Variants in IMMP2L observed in about 807,000 individuals in gnomAD.
The protein encoded by IMMP2L is mitochondrial inner membrane protease subunit 2.
Under a neutral mutation model 19.3 loss-of-function variants are expected in IMMP2L, and 18 were observed. The ratio of observed to expected loss-of-function variants is 0.93; its 90% CI spans 0.64 to 1.38. The LOEUF is 1.38. Ranked by LOEUF, IMMP2L falls within the 40% of genes most tolerant of loss-of-function variation. IMMP2L has a pLI of 0.00. For missense variants in IMMP2L, 233 were observed against 218.2 expected, an observed-to-expected ratio of 1.07 and a Z score of -0.43; for synonymous variants, 76 against 73.0, an observed-to-expected ratio of 1.04 and a Z score of -0.21.
rs1441626640 is a variant in IMMP2L at position 111,255,070 on chromosome 7, A to C, written c.239+232168T>G. 2.0e-5 allele frequency among the ~76,000 whole-genome samples: 3 copies of C among 152,100 alleles called. No homozygotes were observed. In the East Asian group the frequency reaches 5.8e-4, roughly 29 times the overall value. On this transcript the variant is annotated intron_variant, in intron 3 of 5. Coordinates refer to ENST00000405709, the MANE Select transcript of IMMP2L (RefSeq NM_032549.4). ...CATCAAGGTTTTCTATACTGATGAA[A>C]CTGCCAGTTAAATAGCAATTCCACC...
At chr7:111,458,246 C>T (rs140684134) in intron 3 of IMMP2L, among the ~76,000 whole-genome samples, 147 of 151,980 alleles carry the variant, frequency 9.7e-4, no homozygotes, top group African/African-American at 3.4e-3. Flanking sequence ...GGCGTGATGG[C>T]GTGCGCCTGT....
intron 3 of IMMP2L, among the ~76,000 whole-genome samples, chr7:111,478,389 C>T (rs1384380366): frequency 2.6e-5 from 4 of 151,898 alleles, no homozygotes; most frequent in African/African-American, 9.7e-5. Context: ...AAATATTGAT[C>T]ATAATTTTTT....
At position 111,521,339 on chromosome 7, in the gene IMMP2L, CCA is replaced by C. The variant is rs757636658; in HGVS notation, c.107_108del (p.Val36GlyfsTer21). ...AVTFLDRVAC[V>X]ARVEGASMQP... Reference sequence around the variant, plus strand: ...TGCATCGATGCTCCTTCTACTCTTGCCACACAGGCGACCCGATCCAAGAAAGT... The same window carrying C: ...TGCATCGATGCTCCTTCTACTCTTGCCACAGGCGACCCGATCCAAGAAAGT... On this transcript the variant is annotated frameshift_variant, in exon 2 of 6. Coordinates refer to ENST00000405709, the MANE Select transcript of IMMP2L (RefSeq NM_032549.4). LOFTEE classifies it high-confidence loss of function. The C allele has an allele frequency of 6.2e-7, 1 of 1,613,064 alleles. No homozygotes were observed. The highest frequency in any genetic ancestry group is 1.1e-5 in the South Asian group (1 of 90,998).
At chr7:111,475,548 A>G (rs1585257355) in intron 3 of IMMP2L, among the ~76,000 whole-genome samples, 3 of 152,126 alleles carry the variant, frequency 2.0e-5, no homozygotes, top group Admixed American at 2.0e-4. Context: ...AGACTATGGT[A>G]TCTTTATTTA....
At chr7:110,923,899 T>A (rs1441802608) in intron 4 of IMMP2L, among the ~76,000 whole-genome samples, 1 of 152,158 alleles carries the variant, frequency 6.6e-6, no homozygotes, top group Admixed American at 6.5e-5. Context: ...ACAGGTTATC[T>A]CACATTATAG....
At chr7:111,261,482 T>C (rs956956937) in intron 3 of IMMP2L, among the ~76,000 whole-genome samples, 1 of 152,148 alleles carries the variant, frequency 6.6e-6, no homozygotes, top group African/African-American at 2.4e-5. Flanking sequence ...ATTCAGGGCT[T>C]CATTCATTCA....
At chr7:111,049,725 A>T (rs948680697) in intron 3 of IMMP2L, among the ~76,000 whole-genome samples, 2 of 152,238 alleles carry the variant, frequency 1.3e-5, no homozygotes, top group Non-Finnish European at 2.9e-5. Context: ...CTTCCAAAAC[A>T]AATTCCAAAG....
At chr7:110,961,543 G>A (rs1168843505) in intron 4 of IMMP2L, among the ~76,000 whole-genome samples, 1 of 150,690 alleles carries the variant, frequency 6.6e-6, no homozygotes, top group East Asian at 2.0e-4. Flanking sequence ...GGATACAGAG[G>A]GCCAACTGTA....
At chr7:111,329,598 C>T (rs1171487948) in intron 3 of IMMP2L, among the ~76,000 whole-genome samples, 1 of 151,822 alleles carries the variant, frequency 6.6e-6, no homozygotes, top group Non-Finnish European at 1.5e-5. Flanking sequence ...AGAAAGGAGA[C>T]TTGAAAACGC....
chr7:111,217,996 A>G (rs2129620010), intron 3 of IMMP2L, among the ~76,000 whole-genome samples: 1 of 152,198 alleles, frequency 6.6e-6, no homozygotes, highest in East Asian at 1.9e-4. Flanking sequence ...CAAAATAATG[A>G]GCTACGGAAA....
At chr7:111,152,282 C>T (rs1804164512) in intron 3 of IMMP2L, among the ~76,000 whole-genome samples, 1 of 152,056 alleles carries the variant, frequency 6.6e-6, no homozygotes, top group Non-Finnish European at 1.5e-5. Flanking sequence ...TCCATACATT[C>T]CCCTCCCTTT....
intron 2 of IMMP2L, among the ~76,000 whole-genome samples, chr7:111,514,340 T>A (rs1256065795): frequency 6.6e-6 from 1 of 151,442 alleles, no homozygotes; most frequent in Non-Finnish European, 1.5e-5. Flanking sequence ...GGACACAGAA[T>A]GGGCAACATC....
intron 3 of IMMP2L, among the ~76,000 whole-genome samples, chr7:111,067,163 G>A (rs116818492): frequency 9.8e-4 from 150 of 152,298 alleles, no homozygotes; most frequent in African/African-American, 3.5e-3. Context: ...CCACAACCAT[G>A]AGTATAGCAG....
At chr7:111,556,120 T>C (rs1176482199) in intron 1 of IMMP2L, among the ~76,000 whole-genome samples, 1 of 148,578 alleles carries the variant, frequency 6.7e-6, no homozygotes, top group African/African-American at 2.5e-5. Context: ...CTAATATGTG[T>C]GCATACAGAG....
intron 3 of IMMP2L, among the ~76,000 whole-genome samples, chr7:111,275,148 G>A (rs1376879254): frequency 6.6e-6 from 1 of 152,138 alleles, no homozygotes; most frequent in African/African-American, 2.4e-5. Flanking sequence ...GAGGCTCCCA[G>A]AGGATCTGCT....
At chr7:111,109,774 C>T (rs776503450) in intron 3 of IMMP2L, among the ~76,000 whole-genome samples, 4 of 152,072 alleles carry the variant, frequency 2.6e-5, no homozygotes, top group East Asian at 1.9e-4. Context: ...TGACTACTAT[C>T]GCTGTTTTCA....
chr7:111,345,212 G>T (rs768255513), intron 3 of IMMP2L, among the ~76,000 whole-genome samples: 5 of 152,040 alleles, frequency 3.3e-5, no homozygotes, highest in Non-Finnish European at 5.9e-5. Context: ...ATTACTAAAT[G>T]TGTAATATTA....
intron 5 of IMMP2L, among the ~76,000 whole-genome samples, chr7:110,767,069 A>G (rs536871791): frequency 6.6e-6 from 1 of 152,308 alleles, no homozygotes; most frequent in East Asian, 1.9e-4. Flanking sequence ...TTACAATGCT[A>G]TCAGCATTTC....
At chr7:110,787,857 C>A (rs1267151915) in intron 5 of IMMP2L, among the ~76,000 whole-genome samples, 2 of 150,764 alleles carry the variant, frequency 1.3e-5, no homozygotes, top group Non-Finnish European at 3.0e-5. Context: ...CCAGGAAGGA[C>A]AAAAAAAACA....
Sources: allele counts gnomAD v4.1 joint callset (sites outside exome capture counted in the v4.1 genomes callset), GRCh38; gene constraint gnomAD v4.1.1; transcripts MANE v1.5; gene names NCBI Gene and HGNC (gene_info 2026-07-23, HGNC 2026-07-21).